MYO9A: variants seen among roughly 807,000 people sequenced by gnomAD.
MYO9A encodes unconventional myosin-IXa.
Under a neutral mutation model 293.3 loss-of-function variants are expected in MYO9A, and 103 were observed. That is an observed-to-expected ratio of 0.35 (90% CI 0.30 to 0.41). The LOEUF is 0.41. Ranked by LOEUF, MYO9A falls within the 10% of genes least tolerant of loss-of-function variation. The pLI, the probability that MYO9A is intolerant of heterozygous loss-of-function variation, is 1.00. For synonymous variants in MYO9A, 1,001 were observed against 1,035.7 expected (o/e 0.97, Z 0.64); for missense variants, 2,685 against 3,033.0 (o/e 0.89, Z 2.69).
intron 11 of MYO9A, among the ~76,000 whole-genome samples, chr15:71,982,747 A>G (rs2076307360): frequency 6.6e-6 from 1 of 152,210 alleles, no homozygotes; most frequent in African/African-American, 2.4e-5. Flanking sequence ...TCAGCATGGT[A>G]TGTTAAAACA....
intron 34 of MYO9A, among the ~76,000 whole-genome samples, chr15:71,855,280 C>T (rs2055820145): frequency 6.6e-6 from 1 of 152,154 alleles, no homozygotes; most frequent in Admixed American, 6.5e-5. Context: ...GGACTACAGG[C>T]ACATGACACC....
Position 72,010,374 on chromosome 15 carries a change from C to T in MYO9A, c.1229G>A (p.Gly410Glu), listed in dbSNP as rs1171518232. 6.2e-7 allele frequency: 1 copy of T among 1,613,326 alleles called. No individual in the cohort carries two copies. Among genetic ancestry groups the T allele is most frequent in the African/African-American group, 1.3e-5 (1 of 74,878 alleles). Residue 410 changes from glycine to glutamate, a missense_variant, in exon 7 of 42, where the codon GGA (glycine) becomes GAA (glutamate). By Grantham distance (98) the Gly-to-Glu change is moderately conservative. This residue lies in a region of MYO9A where 289 missense variants were observed against 456.8 expected (regional missense o/e 0.63). Transcript: ENST00000356056. ...ERLQLAMEMV[G>E]FLPKTRRQIF... ...CTGTCTTCGTGTCTTGGGAAGAAAT[C>T]CTACCATTTCCATGGCAAGTTGTAG...
At chr15:71,990,778 T>C (rs1477138495) in intron 11 of MYO9A, among the ~76,000 whole-genome samples, 1 of 149,174 alleles carries the variant, frequency 6.7e-6, no homozygotes, top group Non-Finnish European at 1.5e-5. Context: ...AAAGACAAGA[T>C]TTAAAATGCT....
Position 71,978,220 on chromosome 15 carries a change from T to C in MYO9A, c.1795A>G (p.Ile599Val), listed in dbSNP as rs772974757. The C allele has an allele frequency of 9.9e-6, 16 of 1,613,112 alleles. No individual in the cohort carries two copies. The highest frequency in any genetic ancestry group is 1.3e-5 in the Non-Finnish European group (15 of 1,179,464). The change falls in exon 12 of 42, where the codon ATT (isoleucine) becomes GTT (valine). Residue 599 changes from isoleucine (I) to valine (V), a missense_variant. By Grantham distance (29) the Ile-to-Val change is conservative (BLOSUM62 3). Coordinates refer to ENST00000356056, the MANE Select transcript of MYO9A (RefSeq NM_006901.4). ...AGCAGTCCTGTTGGTTTTTTGCTAA[T>C]AAGATTTATGCAGCAGGTATTATCA... ...YIDNTCCINLISKKPTGLLHL... is the reference protein window; with the variant it reads ...YIDNTCCINLVSKKPTGLLHL...
At chr15:71,928,045 TATATATATATA>T (rs1353866148) in intron 18 of MYO9A, among the ~76,000 whole-genome samples, 13 of 10,896 alleles carry the variant, frequency 1.2e-3, no homozygotes, top group Non-Finnish European at 1.5e-3. Context: ...TATATATATA[TATATATATATA>T]TTTTTTTTTT....
intron 1 of MYO9A, among the ~76,000 whole-genome samples, chr15:72,056,562 GAC>G (rs755104946): frequency 3.2e-4 from 48 of 152,244 alleles, no homozygotes; most frequent in Non-Finnish European, 5.7e-4. Context: ...GTGTAAGAAT[GAC>G]ACAGTGAACT....
intron 33 of MYO9A, among the ~76,000 whole-genome samples, chr15:71,862,149 T>C (rs956570265): frequency 3.3e-5 from 5 of 151,756 alleles, no homozygotes; most frequent in African/African-American, 7.3e-5. Flanking sequence ...AAAAAAAGAA[T>C]AGCGAATTTG....
Position 71,994,479 on chromosome 15 carries a change from T to C in MYO9A, c.1577A>G (p.His526Arg), listed in dbSNP as rs1472509344. ...HALLNSKDLE[H>R]NTKTLSIGVL... ...CCAATATATCATTACCTTGGTATTA[T>C]GCTCTAAATCTTTACTATTCAGAAG... The change falls in exon 10 of 42, where the codon CAT (histidine) becomes CGT (arginine). Residue 526 changes from histidine (H) to arginine (R), a missense_variant. Coordinates refer to ENST00000356056, the MANE Select transcript of MYO9A (RefSeq NM_006901.4). The C allele has an allele frequency of 6.3e-7, 1 of 1,575,882 alleles. No homozygotes were observed. The highest frequency in any genetic ancestry group is 8.6e-7 in the Non-Finnish European group (1 of 1,157,178).
chr15:71,985,247 G>A (rs1003126326), intron 11 of MYO9A, among the ~76,000 whole-genome samples: 1 of 151,974 alleles, frequency 6.6e-6, no homozygotes, highest in Non-Finnish European at 1.5e-5. Flanking sequence ...TATTCATGCT[G>A]GTTTGCCTCC....
At chr15:71,833,086 T>C (rs2054794127) in intron 39 of MYO9A, among the ~76,000 whole-genome samples, 1 of 151,720 alleles carries the variant, frequency 6.6e-6, no homozygotes, top group South Asian at 2.1e-4. Context: ...AAAAGGAACA[T>C]ATATCAGGCA....
chr15:71,931,910 C>T (rs2058485478), intron 18 of MYO9A, among the ~76,000 whole-genome samples: 2 of 151,788 alleles, frequency 1.3e-5, no homozygotes, highest in Admixed American at 6.6e-5. Flanking sequence ...CAAACTGCTG[C>T]CTTTGTTTTT....
intron 35 of MYO9A, among the ~76,000 whole-genome samples, chr15:71,854,029 C>T (rs958574900): frequency 6.6e-6 from 1 of 152,178 alleles, no homozygotes. Context: ...ATTATAAAAA[C>T]ATTAGTACAG....
intron 2 of MYO9A, among the ~76,000 whole-genome samples, chr15:72,040,934 G>T (rs2078208761): frequency 6.6e-6 from 1 of 152,106 alleles, no homozygotes; most frequent in African/African-American, 2.4e-5. Flanking sequence ...TATTAGAAAA[G>T]AATGATCTAA....
At chr15:72,034,164 C>T (rs1027893415) in intron 2 of MYO9A, among the ~76,000 whole-genome samples, 1 of 152,178 alleles carries the variant, frequency 6.6e-6, no homozygotes, top group Non-Finnish European at 1.5e-5. Flanking sequence ...GTATCATGGT[C>T]CTGAGACCAG....
At chr15:72,045,639 C>T (rs1292877158) in intron 2 of MYO9A, 85 bp downstream of exon 2, 5 of 1,383,574 alleles carry the variant, frequency 3.6e-6, no homozygotes, top group Admixed American at 2.4e-5. Flanking sequence ...CCTGGTATTG[C>T]AGTACCTCCA....
chr15:71,870,870 G>A (rs1440389589), intron 32 of MYO9A, among the ~76,000 whole-genome samples: 1 of 152,050 alleles, frequency 6.6e-6, no homozygotes, highest in East Asian at 1.9e-4. Context: ...TTCATAGTTG[G>A]TTGAACCCAT....
chr15:71,900,947 C>G (rs2057465235), intron 23 of MYO9A, among the ~76,000 whole-genome samples: 1 of 152,320 alleles, frequency 6.6e-6, no homozygotes, highest in South Asian at 2.1e-4. Context: ...ACACAGATCT[C>G]ACAAGACATT....
At chr15:71,978,749 A>T (rs1375676359) in intron 11 of MYO9A, among the ~76,000 whole-genome samples, 1 of 150,550 alleles carries the variant, frequency 6.6e-6, no homozygotes, top group Non-Finnish European at 1.5e-5. Flanking sequence ...CATACACACT[A>T]AACTTTGGCA....
chr15:71,902,299 G>T (rs2057508423), intron 22 of MYO9A, among the ~76,000 whole-genome samples: 1 of 151,914 alleles, frequency 6.6e-6, no homozygotes, highest in Non-Finnish European at 1.5e-5. Context: ...AGGTTATCAG[G>T]AGGTTATTAT....
Sources: allele counts gnomAD v4.1 joint callset (sites outside exome capture counted in the v4.1 genomes callset), GRCh38; gene constraint gnomAD v4.1.1; regional missense constraint gnomAD v4.1.1; transcripts MANE v1.5; gene names NCBI Gene and HGNC (gene_info 2026-07-23, HGNC 2026-07-21).